The following KLC3 variants were observed in gnomAD, a reference collection of about 807,000 sequenced individuals.
The protein encoded by KLC3 is kinesin light chain 2.
Under a neutral mutation model 62.9 loss-of-function variants are expected in KLC3, and 72 were observed. The observed-to-expected ratio is 1.15, with a 90% confidence interval of 0.95 to 1.39. The LOEUF (loss-of-function observed/expected upper bound fraction) is 1.39, where lower values mean the gene tolerates loss of function less well. Among genes scored for constraint, KLC3 ranks in the 40% most tolerant of loss-of-function variants. The pLI is 0.00. For missense variants in KLC3, 848 were observed against 691.6 expected (o/e 1.23, Z -2.54); for synonymous variants, 377 against 300.5 (o/e 1.25, Z -2.63).
chr19:45,349,899 A>G (rs914242692), intron 8 of KLC3: 13 of 460,064 alleles, frequency 2.8e-5, no homozygotes, highest in Middle Eastern at 5.7e-4. Flanking sequence ...CGGTCCCCAC[A>G]TCGCTAGTTC....
At chr19:45,342,042 G>T (rs1971407527) in intron 1 of KLC3, among the ~76,000 whole-genome samples, 1 of 152,084 alleles carries the variant, frequency 6.6e-6, no homozygotes, top group East Asian at 1.9e-4. Flanking sequence ...GCTGCTGTGT[G>T]TCTGGGACAC....
In KLC3 at chr19:45,349,606, A is replaced by C. The variant is rs1358047934; in HGVS notation, c.1143+4A>C. 18 of 1,590,212 alleles carry C rather than the reference A, an allele frequency of 1.1e-5. No homozygotes were observed. Among genetic ancestry groups the C allele is most frequent in the Admixed American group, 8.5e-5 (5 of 59,074 alleles). ...GGCCAAGACCAAGAACAACCTGGTG[A>C]GGCCCCTGGGGCTCAGAGTGGGCCA... On this transcript the variant is annotated splice_donor_region_variant and intron_variant, in intron 8 of 12. Coordinates refer to ENST00000391946, the MANE Select transcript of KLC3 (RefSeq NM_177417.3).
At chr19:45,351,104 T>G in intron 12 of KLC3, 87 bp downstream of exon 12, 1 of 1,609,064 alleles carries the variant, frequency 6.2e-7, no homozygotes, top group South Asian at 1.1e-5. Context: ...GGGCCAGTGG[T>G]GGAGTCAGCA....
intron 4 of KLC3, 126 bp from the exon 5 acceptor site, chr19:45,347,815 G>A (rs1222835062): frequency 1.3e-6 from 1 of 783,942 alleles, no homozygotes. Flanking sequence ...TCAGAAGTTA[G>A]CGTGGGGGCC....
Position 45,345,625 on chromosome 19 carries a change from G to A in KLC3, c.84G>A (p.Arg28=). 6.3e-7 allele frequency: 1 copy of A among 1,583,426 alleles called. No homozygotes were observed. Among genetic ancestry groups the A allele is most frequent in the Non-Finnish European group, 8.6e-7 (1 of 1,166,172 alleles). ...LSPEELVRQT[R]QVVQGLEALR... ...CTGAGGAGCTGGTGCGGCAGACGCG[G>A]CAAGTGGTCCAGGGGCTGGAGGCGC... Residue 28 remains arginine, a synonymous_variant, in exon 2 of 13, where the codon CGG becomes CGA. Transcript: ENST00000391946.
At chr19:45,347,419 C>T (rs1252011173) in intron 3 of KLC3, 28 bp from the exon 4 acceptor site, 13 of 1,594,242 alleles carry the variant, frequency 8.2e-6, no homozygotes, top group Non-Finnish European at 1.1e-5. Context: ...CCCCACCACC[C>T]CGGCCCCCCA....
rs1408352691 is a variant in KLC3 at position 45,346,592 on chromosome 19, C to T, written c.307C>T (p.Gln103Ter). The change falls in exon 3 of 13, where the codon CAG becomes TAG. Residue 103 changes from glutamine to a stop codon, truncating the protein, a stop_gained. Coordinates refer to ENST00000391946, the MANE Select transcript of KLC3 (RefSeq NM_177417.3). LOFTEE classifies it high-confidence loss of function. ...AHVGALEAEK[Q>*]RLRSQARRLA... ...TGTGGGTGCACTGGAGGCAGAGAAG[C>T]AGCGGCTGCGCTCGCAGGCCCGGCG... The T allele has an allele frequency of 1.9e-6, 3 of 1,548,942 alleles. No individual in the cohort carries two copies. The highest frequency in any genetic ancestry group is 2.0e-5 in the Admixed American group (1 of 50,934).
At chr19:45,350,837 C>T in intron 11 of KLC3, 90 bp downstream of exon 11, 1 of 943,844 alleles carries the variant, frequency 1.1e-6, no homozygotes, top group Non-Finnish European at 1.6e-6. Flanking sequence ...CAAGAACCTT[C>T]CATGGCTCCC....
intron 1 of KLC3, among the ~76,000 whole-genome samples, chr19:45,341,950 G>A (rs1028976931): frequency 6.6e-6 from 1 of 152,000 alleles, no homozygotes. Context: ...AAGGGGGTCC[G>A]CGTCAGGGAT....
chr19:45,342,176 T>A (rs920293161), intron 1 of KLC3, among the ~76,000 whole-genome samples: 6 of 151,964 alleles, frequency 3.9e-5, no homozygotes, highest in Non-Finnish European at 8.8e-5. Context: ...TCGGCAAAAT[T>A]GTGTGAAGAA....
chr19:45,350,605 CT>C, intron 10 of KLC3, 35 bp from the exon 11 acceptor site: 1 of 1,613,484 alleles, frequency 6.2e-7, no homozygotes, highest in Non-Finnish European at 8.5e-7. Flanking sequence ...CTGCATGGGC[CT>C]GGGGGACTGA....
At chr19:45,343,831 T>C (rs1386326724) in intron 1 of KLC3, among the ~76,000 whole-genome samples, 2 of 144,896 alleles carry the variant, frequency 1.4e-5, no homozygotes, top group Non-Finnish European at 3.1e-5. Context: ...AGAATGTATA[T>C]TATGCTGTCC....
At position 45,351,250 on chromosome 19, in the gene KLC3, A is replaced by C. The variant is rs200327565; in HGVS notation, c.1444-36A>C. On this transcript the variant is annotated intron_variant, in intron 12 of 12. Coordinates refer to ENST00000391946, the MANE Select transcript of KLC3 (RefSeq NM_177417.3). ...AGGGTGGATGTAACACTTGCCCCTCACCTCCCCTCCAACCATCCCCTGTGC... is the reference window on the plus strand; with the variant it reads ...AGGGTGGATGTAACACTTGCCCCTCCCCTCCCCTCCAACCATCCCCTGTGC... 157 of 694,284 alleles carry C rather than the reference A, an allele frequency of 2.3e-4. 1 individual carries two copies. The highest frequency in any genetic ancestry group is 1.6e-3 in the South Asian group (57 of 36,186). The allele number at this position is 694,284 out of a possible 1,614,324, so 43.0% of individuals were successfully genotyped here.
chr19:45,347,910 A>C, intron 4 of KLC3, 31 bp from the exon 5 acceptor site: 5 of 1,541,310 alleles, frequency 3.2e-6, no homozygotes, highest in Non-Finnish European at 4.4e-6. Flanking sequence ...GGAGGCTTGC[A>C]GTGACCCAGA....
chr19:45,348,544 T>G (rs1479401195), intron 5 of KLC3, 102 bp from the exon 6 acceptor site: 1 of 1,160,218 alleles, frequency 8.6e-7, no homozygotes, highest in African/African-American at 1.5e-5. Context: ...CATGCTTGGT[T>G]CAGCCAGGTT....
At position 45,349,531 on chromosome 19, in the gene KLC3, C is replaced by T. The variant is rs759094002; in HGVS notation, c.1072C>T (p.Arg358Trp). The change falls in exon 8 of 13, where the codon CGG (arginine) becomes TGG (tryptophan). Residue 358 changes from arginine to tryptophan, a missense_variant. By Grantham distance (101) the Arg-to-Trp change is moderately radical (BLOSUM62 -3). Transcript: ENST00000391946. ...KFEDVERHYA[R>W]ALSIYEALGG... ...TGAGGACGTGGAGCGGCACTATGCC[C>T]GGGCCCTGAGCATCTATGAGGCACT... 6.4e-5 allele frequency: 103 copies of T among 1,613,554 alleles called. No individual in the cohort carries two copies. The highest frequency in any genetic ancestry group is 8.0e-5 in the Non-Finnish European group (94 of 1,179,826).
At chr19:45,351,159 T>C in intron 12 of KLC3, 127 bp from the exon 13 acceptor site, 1 of 1,590,540 alleles carries the variant, frequency 6.3e-7, no homozygotes. Context: ...GGAGCAAAGA[T>C]GGGTTTTACT....
At position 45,346,684 on chromosome 19, in the gene KLC3, C is replaced by T. The variant is rs775701350; in HGVS notation, c.399C>T (p.Ser133=). The part of the protein sequence containing the change: ...LEETQRRLRA[S]EESVAQLEEE... ...AGACGCAGCGGCGGCTTCGGGCCAG[C>T]GAGGAGTCCGTGGCCCAGCTGGAGG... Residue 133 remains serine, a synonymous_variant, in exon 3 of 13, where the codon AGC becomes AGT. Transcript: ENST00000391946. 9 of 1,562,084 alleles carry T rather than the reference C, an allele frequency of 5.8e-6. No individual in the cohort carries two copies. Among genetic ancestry groups the T allele is most frequent in the East Asian group, 2.4e-5 (1 of 41,370 alleles).
At chr19:45,344,797 T>C (rs1210363026) in intron 1 of KLC3, 2 of 152,336 alleles carry the variant, frequency 1.3e-5, no homozygotes, top group African/African-American at 4.8e-5. Context: ...ATGGCCAGTG[T>C]GACATACCTG....
Sources: gnomAD v4.1 joint callset for allele counts (sites outside exome capture counted in the v4.1 genomes callset) on GRCh38, gnomAD v4.1.1 for gene constraint, MANE v1.5 for transcripts, NCBI Gene and HGNC (gene_info 2026-07-23, HGNC 2026-07-21) for gene names.